Variants in CCDC148 observed in about 807,000 individuals in gnomAD.
CCDC148 encodes coiled-coil domain-containing protein 148.
In CCDC148, 89 loss-of-function variants were observed where a neutral mutation model predicts 85.7. The ratio of observed to expected loss-of-function variants is 1.04; its 90% CI spans 0.87 to 1.24. The LOEUF (loss-of-function observed/expected upper bound fraction) is 1.24, where lower values mean the gene tolerates loss of function less well. Among genes scored for constraint, CCDC148 ranks in the 50% most tolerant of loss-of-function variants. CCDC148 has a pLI of 0.00. For missense variants in CCDC148, 692 were observed against 671.7 expected (o/e 1.03, Z -0.33); for synonymous variants, 230 against 213.9 (o/e 1.08, Z -0.66).
At chr2:158,422,438 A>G (rs1559134649) in intron 1 of CCDC148, among the ~76,000 whole-genome samples, 1 of 152,212 alleles carries the variant, frequency 6.6e-6, no homozygotes, top group Non-Finnish European at 1.5e-5. Flanking sequence ...ACATATGCCA[A>G]TCAATAAATG....
chr2:158,290,810 G>A (rs1208562012), intron 9 of CCDC148, among the ~76,000 whole-genome samples: 7 of 152,140 alleles, frequency 4.6e-5, no homozygotes, highest in East Asian at 3.9e-4. Context: ...GAATGCTAGC[G>A]TATACTCAGC....
chr2:158,453,366 T>C (rs574388892), intron 1 of CCDC148, among the ~76,000 whole-genome samples: 3 of 152,144 alleles, frequency 2.0e-5, no homozygotes, highest in Non-Finnish European at 4.4e-5. Context: ...TTGTATAATA[T>C]ATTCAGAGGA....
rs374644765 is a variant in CCDC148 at position 158,338,415 on chromosome 2, A to G, written c.764+311T>C. Among the ~76,000 whole-genome samples, 13 of 152,320 alleles carry G rather than the reference A, an allele frequency of 8.5e-5. 2 individuals are homozygous for G. The highest frequency in any genetic ancestry group is 6.5e-4 in the Admixed American group (10 of 15,292). ...ATCAATTACTGCAGAGCAGCTTCAC[A>G]TCTTGAAAAGAAAAGTTGTGGTTAC... On this transcript the variant is annotated intron_variant, in intron 7 of 13. Coordinates refer to ENST00000283233, the MANE Select transcript of CCDC148 (RefSeq NM_138803.4).
Position 158,415,203 on chromosome 2 carries a change from G to A in CCDC148, c.25+41212C>T, listed in dbSNP as rs577482068. 3.3e-5 allele frequency among the ~76,000 whole-genome samples: 5 copies of A among 152,020 alleles called. No homozygotes were observed. In the South Asian group the frequency reaches 1.0e-3, roughly 32 times the overall value. ...CTGTACAGGAGGCATGGCTAGGGAG[G>A]CCTCAACAATCATGGCAGAAGGCAA... is the stretch of plus-strand genomic sequence containing the variant. On this transcript the variant is annotated intron_variant, in intron 1 of 13. Coordinates refer to ENST00000283233, the MANE Select transcript of CCDC148 (RefSeq NM_138803.4).
intron 7 of CCDC148, among the ~76,000 whole-genome samples, chr2:158,328,177 CA>C (rs1692886991): frequency 6.6e-6 from 1 of 152,128 alleles, no homozygotes; most frequent in Non-Finnish European, 1.5e-5. Flanking sequence ...GCCCACCCCA[CA>C]ACAGGCCCCA....
At chr2:158,397,685 G>A (rs528657506) in intron 1 of CCDC148, among the ~76,000 whole-genome samples, 30 of 152,238 alleles carry the variant, frequency 2.0e-4, no homozygotes, top group Admixed American at 1.0e-3. Context: ...ATGCCAAATT[G>A]TAAAGACCAT....
intron 10 of CCDC148, among the ~76,000 whole-genome samples, chr2:158,223,345 G>A (rs897855075): frequency 6.6e-6 from 1 of 152,188 alleles, no homozygotes; most frequent in African/African-American, 2.4e-5. Flanking sequence ...GGAGCCCACT[G>A]CAGCTCAAGG....
At chr2:158,270,331 G>T (rs1689644589) in intron 9 of CCDC148, among the ~76,000 whole-genome samples, 1 of 152,130 alleles carries the variant, frequency 6.6e-6, no homozygotes, top group Non-Finnish European at 1.5e-5. Flanking sequence ...TACAGAAGCG[G>T]GGTATTACTC....
intron 9 of CCDC148, among the ~76,000 whole-genome samples, chr2:158,262,507 G>A (rs1344129760): frequency 6.6e-6 from 1 of 151,884 alleles, no homozygotes; most frequent in Non-Finnish European, 1.5e-5. Context: ...CCCTGTATTA[G>A]TCTGTTTTCA....
At chr2:158,405,034 A>T (rs1036374115) in intron 1 of CCDC148, among the ~76,000 whole-genome samples, 12 of 152,270 alleles carry the variant, frequency 7.9e-5, no homozygotes, top group Admixed American at 7.9e-4. Context: ...TTGTGGGCAG[A>T]ATTTTTACAC....
At chr2:158,214,121 TAAAA>T (rs70990697) in intron 11 of CCDC148, among the ~76,000 whole-genome samples, 106 of 96,620 alleles carry the variant, frequency 1.1e-3, no homozygotes, top group African/African-American at 2.4e-3. Flanking sequence ...AACATTGTGG[TAAAA>T]AAAAAAAAAA....
At chr2:158,186,752 T>A (rs1029364921) in intron 11 of CCDC148, among the ~76,000 whole-genome samples, 3 of 151,980 alleles carry the variant, frequency 2.0e-5, no homozygotes, top group African/African-American at 7.2e-5. Context: ...TAAATACCAT[T>A]GAACAATGGA....
chr2:158,281,682 G>A (rs959145389), intron 9 of CCDC148, among the ~76,000 whole-genome samples: 233 of 152,224 alleles, frequency 1.5e-3, no homozygotes, highest in Non-Finnish European at 2.6e-3. Context: ...ATTCACAGCC[G>A]AATTCTACCA....
At chr2:158,239,469 A>G (rs756186087) in intron 10 of CCDC148, among the ~76,000 whole-genome samples, 1 of 152,124 alleles carries the variant, frequency 6.6e-6, no homozygotes, top group Non-Finnish European at 1.5e-5. Flanking sequence ...TTACCATTCT[A>G]CCATCTGTGG....
intron 1 of CCDC148, among the ~76,000 whole-genome samples, chr2:158,418,712 T>A (rs1218931020): frequency 5.7e-5 from 2 of 35,274 alleles, no homozygotes; most frequent in Non-Finnish European, 9.6e-5. Context: ...ATTATCACTA[T>A]TTTTTTTTTG....
At chr2:158,322,377 CAG>C (rs1692561953) in intron 7 of CCDC148, among the ~76,000 whole-genome samples, 1 of 151,832 alleles carries the variant, frequency 6.6e-6, no homozygotes, top group East Asian at 1.9e-4. Flanking sequence ...AGAAGCAGCT[CAG>C]TAACCATTTA....
chr2:158,216,543 C>T (rs7603789), intron 11 of CCDC148, among the ~76,000 whole-genome samples: 3 of 151,544 alleles, frequency 2.0e-5, no homozygotes, highest in South Asian at 2.1e-4. Flanking sequence ...ATTACAGGTG[C>T]GTGCCACCAT....
intron 9 of CCDC148, among the ~76,000 whole-genome samples, chr2:158,285,570 G>A (rs966409103): frequency 4.7e-5 from 7 of 147,458 alleles, no homozygotes; most frequent in East Asian, 2.0e-4. Context: ...TTGCTCTGTC[G>A]CCCAGGCTGG....
intron 9 of CCDC148, among the ~76,000 whole-genome samples, chr2:158,282,249 T>G (rs992869043): frequency 3.2e-4 from 49 of 152,228 alleles, no homozygotes; most frequent in African/African-American, 1.2e-3. Flanking sequence ...ACCACTCCTA[T>G]TGAACATAGT....
Sources: gnomAD v4.1 joint callset for allele counts (sites outside exome capture counted in the v4.1 genomes callset) on GRCh38, gnomAD v4.1.1 for gene constraint, MANE v1.5 for transcripts, NCBI Gene and HGNC (gene_info 2026-07-23, HGNC 2026-07-21) for gene names.